The following ATP6V1A variants were observed in gnomAD, a reference collection of about 807,000 sequenced individuals.
ATP6V1A encodes the protein V-type proton ATPase catalytic subunit A.
In ATP6V1A, 18 loss-of-function variants were observed where a neutral mutation model predicts 70.1. That is an observed-to-expected ratio of 0.26 (90% confidence interval 0.18 to 0.38). The LOEUF (loss-of-function observed/expected upper bound fraction) is 0.38. Among genes scored for constraint, ATP6V1A ranks in the 10% least tolerant of loss-of-function variants. The pLI, the probability that ATP6V1A is intolerant of heterozygous loss-of-function variation, is 1.00. For synonymous variants in ATP6V1A, 232 were observed against 253.8 expected, an observed-to-expected ratio of 0.91 and a Z score of 0.82; for missense variants, 424 against 772.4, an observed-to-expected ratio of 0.55 and a Z score of 5.35.
In ATP6V1A at chr3:113,794,780, A is replaced by G. The variant is rs1709136022; in HGVS notation, c.989-92A>G. The G allele has an allele frequency of 2.1e-6, 3 of 1,419,460 alleles. No individual in the cohort carries two copies. In the Admixed American group the frequency reaches 6.6e-5, roughly 31 times the overall value. 87.9% of individuals were successfully genotyped at this position (1,419,460 alleles called of 1,614,324 possible). On this transcript the variant is annotated intron_variant, in intron 8 of 14. Transcript: ENST00000273398. ...GAGCCACTAGCAGTCTACGTTGTGT[A>G]CTTATTGCTTTAAGGTTTTCTTAAG...
intron 10 of ATP6V1A, 82 bp downstream of exon 10, chr3:113,795,286 A>G (rs972988972): frequency 5.6e-5 from 81 of 1,436,326 alleles, no homozygotes; most frequent in Non-Finnish European, 7.6e-5. Context: ...CTTATTTTAA[A>G]GAGAGAATAT....
intron 5 of ATP6V1A, among the ~76,000 whole-genome samples, chr3:113,785,364 T>C (rs1246937470): frequency 6.6e-6 from 1 of 151,952 alleles, no homozygotes; most frequent in Non-Finnish European, 1.5e-5. Context: ...CGCCTGAACC[T>C]AGGAGGCGGA....
intron 8 of ATP6V1A, 105 bp downstream of exon 8, chr3:113,789,945 G>C (rs559255580): frequency 1.1e-5 from 9 of 799,004 alleles, no homozygotes; most frequent in Admixed American, 4.8e-5. Context: ...AAATATCTCT[G>C]TACATATAAG....
intron 3 of ATP6V1A, among the ~76,000 whole-genome samples, chr3:113,781,383 G>A (rs1371189205): frequency 6.6e-6 from 1 of 152,160 alleles, no homozygotes; most frequent in African/African-American, 2.4e-5. Context: ...TGGGTATAGT[G>A]GCAGGCGCCT....
At chr3:113,749,764 G>A (rs1708566262) in intron 1 of ATP6V1A, among the ~76,000 whole-genome samples, 1 of 152,078 alleles carries the variant, frequency 6.6e-6, no homozygotes, top group Non-Finnish European at 1.5e-5. Flanking sequence ...AATGAATGTT[G>A]GGCAATTAGA....
intron 3 of ATP6V1A, among the ~76,000 whole-genome samples, chr3:113,783,823 A>C (rs764878115): frequency 2.0e-5 from 3 of 152,220 alleles, no homozygotes; most frequent in Non-Finnish European, 4.4e-5. Flanking sequence ...TGACAATCAA[A>C]ATGGAACAAG....
chr3:113,753,743 T>G (rs1275899163), intron 1 of ATP6V1A, among the ~76,000 whole-genome samples: 1 of 151,332 alleles, frequency 6.6e-6, no homozygotes, highest in South Asian at 2.1e-4. Flanking sequence ...TTACCCAGAT[T>G]GGAGTGTACT....
At chr3:113,784,128 A>G in intron 3 of ATP6V1A, 96 bp from the exon 4 acceptor site, 1 of 1,199,916 alleles carries the variant, frequency 8.3e-7, no homozygotes, top group Non-Finnish European at 1.2e-6. Flanking sequence ...TTCCGTTTTC[A>G]CTTCTTGAGT....
At chr3:113,753,805 C>T (rs535622784) in intron 1 of ATP6V1A, among the ~76,000 whole-genome samples, 1 of 151,666 alleles carries the variant, frequency 6.6e-6, no homozygotes, top group South Asian at 2.1e-4. Flanking sequence ...AAGCTATCCT[C>T]CCGCCTCAGC....
chr3:113,748,136 A>G (rs1344605592), intron 1 of ATP6V1A, among the ~76,000 whole-genome samples: 2 of 152,114 alleles, frequency 1.3e-5, no homozygotes, highest in African/African-American at 4.8e-5. Flanking sequence ...AGCTTTCCCC[A>G]TTTGTAAAAC....
chr3:113,797,818 G>A (rs1243798935), intron 11 of ATP6V1A, among the ~76,000 whole-genome samples: 1 of 151,972 alleles, frequency 6.6e-6, no homozygotes, highest in East Asian at 1.9e-4. Flanking sequence ...CTAAAACGAT[G>A]TATAATTTGA....
intron 1 of ATP6V1A, among the ~76,000 whole-genome samples, chr3:113,749,573 AATCATC>A (rs775352820): frequency 6.6e-6 from 1 of 152,076 alleles, no homozygotes; most frequent in African/African-American, 2.4e-5. Flanking sequence ...GACTACTACT[AATCATC>A]ATCATCATCT....
intron 1 of ATP6V1A, among the ~76,000 whole-genome samples, chr3:113,769,559 C>A (rs1340965515): frequency 6.6e-6 from 1 of 152,136 alleles, no homozygotes; most frequent in Non-Finnish European, 1.5e-5. Flanking sequence ...TCCCCTTTGC[C>A]CCCAACAGCC....
chr3:113,776,801 C>T (rs2712353), intron 1 of ATP6V1A, among the ~76,000 whole-genome samples: 46,299 of 152,034 alleles, frequency 0.3, 7,210 homozygotes, highest in East Asian at 0.38. Context: ...CACTGCTGTT[C>T]TAATATAGTC....
intron 13 of ATP6V1A, 149 bp from the exon 14 acceptor site, chr3:113,805,205 T>C (rs1709261388): frequency 1.3e-6 from 1 of 778,716 alleles, no homozygotes; most frequent in Non-Finnish European, 2.0e-6. Flanking sequence ...GTCTTTTCAC[T>C]ATTATTTTTT....
rs531562394 is a variant in ATP6V1A at position 113,811,672 on chromosome 3, T to C, written c.*2245T>C. On this transcript the variant is annotated 3_prime_UTR_variant, in exon 15 of 15. Transcript: ENST00000273398. ...CCCTTTAAGAATGTTTATGTATGAG[T>C]GTGAAGATGCTAGCGAACCTATGCT... 2.0e-5 allele frequency: 3 copies of C among 152,740 alleles called. No homozygotes were observed. In the East Asian group the frequency reaches 5.8e-4, roughly 29 times the overall value. 9.5% of individuals were successfully genotyped at this position (152,740 alleles called of 1,614,324 possible). A position where few individuals can be genotyped will look rare whatever the true frequency, so the allele number is the denominator to read the frequency against.
intron 2 of ATP6V1A, chr3:113,780,655 G>T (rs1356792623): frequency 2.3e-6 from 2 of 863,162 alleles, no homozygotes; most frequent in Non-Finnish European, 1.6e-6. Flanking sequence ...TGATAATTGT[G>T]TGGCATTCTA....
chr3:113,808,807 T>C (rs1378550511), intron 14 of ATP6V1A, among the ~76,000 whole-genome samples: 1 of 152,166 alleles, frequency 6.6e-6, no homozygotes, highest in Non-Finnish European at 1.5e-5. Context: ...AATGTGGTTA[T>C]CAGGCAAAAT....
chr3:113,781,461 T>C (rs1708977384), intron 3 of ATP6V1A, among the ~76,000 whole-genome samples: 1 of 151,866 alleles, frequency 6.6e-6, no homozygotes, highest in African/African-American at 2.4e-5. Flanking sequence ...GAGGTTGCAG[T>C]GAGCAGAGAT....
Sources: gnomAD v4.1 joint callset for allele counts (sites outside exome capture counted in the v4.1 genomes callset) on GRCh38, gnomAD v4.1.1 for gene constraint, MANE v1.5 for transcripts, NCBI Gene and HGNC (gene_info 2026-07-23, HGNC 2026-07-21) for gene names.